The following TMTC2 variants were observed in gnomAD, a reference collection of about 807,000 sequenced individuals.
The protein encoded by TMTC2 is transmembrane O-mannosyltransferase targeting cadherins 2, also known as protein O-mannosyl-transferase TMTC2.
In TMTC2, 43 loss-of-function variants were observed where a neutral mutation model predicts 82.4. The ratio of observed to expected loss-of-function variants is 0.52; its 90% CI spans 0.41 to 0.67. TMTC2 has a LOEUF of 0.67. TMTC2 is among the 30% of genes least tolerant of loss of function. The pLI, the probability that TMTC2 is intolerant of heterozygous loss-of-function variation, is 0.00. For missense variants in TMTC2, 919 were observed against 1,012.4 expected, an observed-to-expected ratio of 0.91 and a Z score of 1.25; for synonymous variants, 408 against 381.9, an observed-to-expected ratio of 1.07 and a Z score of -0.80.
At chr12:82,963,824 T>G (rs866096567) in intron 4 of TMTC2, among the ~76,000 whole-genome samples, 1 of 100,252 alleles carries the variant, frequency 1.0e-5, no homozygotes, top group African/African-American at 5.7e-5. Flanking sequence ...TATATATATA[T>G]ATATATATAT....
Position 82,827,008 on chromosome 12 carries a change from G to A in TMTC2, c.84-30002G>A, listed in dbSNP as rs182760463. Among the ~76,000 whole-genome samples, 520 of 152,248 alleles carry A rather than the reference G, an allele frequency of 3.4e-3. 4 individuals are homozygous for A. Among genetic ancestry groups the A allele is most frequent in the Non-Finnish European group, 4.2e-3 (283 of 68,020 alleles). ...CTTATTTTACTGATTGGAAGGTAAT[G>A]AGGATAAATGATTTGCACCAAGTAT... On this transcript the variant is annotated intron_variant, in intron 1 of 11. Coordinates refer to ENST00000321196, the MANE Select transcript of TMTC2 (RefSeq NM_152588.3).
At chr12:83,071,662 A>G (rs899770513) in intron 11 of TMTC2, among the ~76,000 whole-genome samples, 3 of 152,008 alleles carry the variant, frequency 2.0e-5, no homozygotes, top group Non-Finnish European at 4.4e-5. Flanking sequence ...TAATTTTTTA[A>G]TTACCATTTT....
At chr12:83,102,635 G>A (rs748271565) in intron 11 of TMTC2, among the ~76,000 whole-genome samples, 14 of 152,182 alleles carry the variant, frequency 9.2e-5, no homozygotes, top group Non-Finnish European at 1.5e-5. Context: ...TAAACAAAGT[G>A]GAGTATTTCC....
At chr12:82,730,707 A>G (rs1297487806) in intron 1 of TMTC2, among the ~76,000 whole-genome samples, 1 of 152,214 alleles carries the variant, frequency 6.6e-6, no homozygotes, top group Non-Finnish European at 1.5e-5. Context: ...GGAATGAGAA[A>G]ATAGGTTTGA....
chr12:82,910,376 GCAGGCTCCAACCC>G (rs141175021), intron 3 of TMTC2, among the ~76,000 whole-genome samples: 4,563 of 152,206 alleles, frequency 0.03, 229 homozygotes, highest in African/African-American at 0.1. Context: ...ATACGGACAG[GCAGGCTCCAACCC>G]CAGGCTCCAA....
chr12:82,763,227 A>C (rs1313295534), intron 1 of TMTC2, among the ~76,000 whole-genome samples: 1 of 151,370 alleles, frequency 6.6e-6, no homozygotes, highest in African/African-American at 2.4e-5. Flanking sequence ...TAAGATATAA[A>C]ATCTGAGCCA....
intron 1 of TMTC2, among the ~76,000 whole-genome samples, chr12:82,843,515 TTA>T (rs1472045500): frequency 1.3e-5 from 2 of 152,326 alleles, no homozygotes; most frequent in African/African-American, 4.8e-5. Context: ...CAAGGTAGTA[TTA>T]TAACAGGAAT....
chr12:82,940,141 C>T (rs1876632161), intron 4 of TMTC2, among the ~76,000 whole-genome samples: 1 of 151,364 alleles, frequency 6.6e-6, no homozygotes, highest in Non-Finnish European at 1.5e-5. Flanking sequence ...CCTCAGCCTC[C>T]GGAGTAGCTG....
chr12:82,909,135 T>A (rs1796208), intron 3 of TMTC2, among the ~76,000 whole-genome samples: 30,055 of 152,076 alleles, frequency 0.2, 3,091 homozygotes, highest in Admixed American at 0.29. Context: ...CTAAGTTTTT[T>A]AAATTTTTTT....
chr12:82,798,148 G>T (rs1455535352), intron 1 of TMTC2, among the ~76,000 whole-genome samples: 1 of 150,284 alleles, frequency 6.7e-6, no homozygotes, highest in Admixed American at 6.6e-5. Context: ...GTAGAGACGG[G>T]GTTTCACCGT....
At chr12:82,781,423 C>A (rs1007573779) in intron 1 of TMTC2, among the ~76,000 whole-genome samples, 42 of 94,984 alleles carry the variant, frequency 4.4e-4, no homozygotes, top group Middle Eastern at 5.8e-3. Flanking sequence ...TTTTTTTTAG[C>A]AGAAAAAAAA....
Position 82,687,536 on chromosome 12 carries a change from C to A in TMTC2, c.-51C>A. On this transcript the variant is annotated 5_prime_UTR_variant, in exon 1 of 12. Coordinates refer to ENST00000321196, the MANE Select transcript of TMTC2 (RefSeq NM_152588.3). ...AGATTGATGCTTCTGTTTTTTGTTG[C>A]CGCTGCTGCCCTCGCGCTGGGAGCC... is the stretch of plus-strand genomic sequence containing the variant. 6.5e-7 allele frequency: 1 copy of A among 1,543,668 alleles called. No individual in the cohort carries two copies. Among genetic ancestry groups the A allele is most frequent in the Non-Finnish European group, 8.8e-7 (1 of 1,135,212 alleles).
chr12:82,706,955 A>G (rs983885263), intron 1 of TMTC2, among the ~76,000 whole-genome samples: 6 of 152,144 alleles, frequency 3.9e-5, no homozygotes, highest in African/African-American at 1.4e-4. Context: ...GCACGCCTGT[A>G]TTTGCTACTT....
intron 11 of TMTC2, among the ~76,000 whole-genome samples, chr12:83,066,553 A>G (rs1397338750): frequency 6.6e-6 from 1 of 152,038 alleles, no homozygotes; most frequent in Non-Finnish European, 1.5e-5. Context: ...TTATATGATG[A>G]ATTGAAAAAT....
chr12:82,851,050 C>T (rs58755706), intron 1 of TMTC2, among the ~76,000 whole-genome samples: 6,119 of 151,636 alleles, frequency 0.04, 424 homozygotes, highest in African/African-American at 0.14. Context: ...AGTGACAGAG[C>T]GAGACTCCAT....
intron 9 of TMTC2, among the ~76,000 whole-genome samples, chr12:83,050,283 C>T (rs1383909517): frequency 2.0e-5 from 3 of 151,820 alleles, no homozygotes; most frequent in Admixed American, 6.6e-5. Context: ...TTGGGCCTAA[C>T]TTTTGTTTTC....
chr12:82,908,424 T>C, intron 3 of TMTC2, among the ~76,000 whole-genome samples: 1 of 152,110 alleles, frequency 6.6e-6, no homozygotes, highest in East Asian at 1.9e-4. Flanking sequence ...AAGAACTATT[T>C]TATGAATTAA....
At chr12:83,025,381 A>C (rs139137338) in intron 8 of TMTC2, among the ~76,000 whole-genome samples, 45 of 150,146 alleles carry the variant, frequency 3.0e-4, no homozygotes, top group Non-Finnish European at 5.2e-4. Flanking sequence ...ATTTATACAT[A>C]AATGTATTAT....
intron 1 of TMTC2, among the ~76,000 whole-genome samples, chr12:82,763,812 A>G (rs1171750492): frequency 2.0e-5 from 3 of 152,218 alleles, no homozygotes; most frequent in African/African-American, 7.2e-5. Flanking sequence ...ATTCGCAGAA[A>G]CCCAAGGGAC....
Sources: gnomAD v4.1 joint callset for allele counts (sites outside exome capture counted in the v4.1 genomes callset) on GRCh38, gnomAD v4.1.1 for gene constraint, MANE v1.5 for transcripts, NCBI Gene and HGNC (gene_info 2026-07-23, HGNC 2026-07-21) for gene names.